The following DAB1 variants were observed in gnomAD, a reference collection of about 807,000 sequenced individuals.
The protein encoded by DAB1 is DAB adaptor protein 1, also known as disabled homolog 1.
Under a neutral mutation model 64.6 loss-of-function variants are expected in DAB1, and 15 were observed. The ratio of observed to expected loss-of-function variants is 0.23; its 90% CI spans 0.16 to 0.36. The LOEUF (loss-of-function observed/expected upper bound fraction) is 0.36. DAB1 is among the 10% of genes least tolerant of loss of function. DAB1 has a pLI of 1.00. For synonymous variants in DAB1, 235 were observed against 251.9 expected (o/e 0.93, Z 0.64); for missense variants, 596 against 706.7 (o/e 0.84, Z 1.78).
chr1:57,816,287 C>T (rs1651852017), intron 6 of DAB1, among the ~76,000 whole-genome samples: 1 of 152,194 alleles, frequency 6.6e-6, no homozygotes, highest in Non-Finnish European at 1.5e-5. Flanking sequence ...TCTCACTATG[C>T]CATGCAGCCG....
At chr1:57,109,216 C>A (rs1407349171) in intron 4 of DAB1, among the ~76,000 whole-genome samples, 1 of 152,200 alleles carries the variant, frequency 6.6e-6, no homozygotes, top group Non-Finnish European at 1.5e-5. Context: ...TGAGGACCAG[C>A]AGCCAGGGGC....
chr1:57,842,726 C>T (rs571719343), intron 1 of DAB1, among the ~76,000 whole-genome samples: 4 of 152,290 alleles, frequency 2.6e-5, no homozygotes, highest in Non-Finnish European at 5.9e-5. Context: ...ATAAGAACAG[C>T]ATGGGAGAAA....
chr1:58,532,958 A>G (rs749942856), intron 1 of DAB1, among the ~76,000 whole-genome samples: 18 of 152,152 alleles, frequency 1.2e-4, no homozygotes, highest in Non-Finnish European at 2.5e-4. Flanking sequence ...ATTTGAGATT[A>G]CTCTTAGAAG....
chr1:58,364,198 C>T (rs558286261), intron 3 of DAB1, among the ~76,000 whole-genome samples: 79 of 152,296 alleles, frequency 5.2e-4, no homozygotes, highest in Middle Eastern at 3.4e-3. Flanking sequence ...AGGAGGGAAG[C>T]CTGTCCCATC....
At chr1:58,180,056 T>C (rs12034198) in intron 4 of DAB1, among the ~76,000 whole-genome samples, 43,710 of 151,662 alleles carry the variant, frequency 0.29, 6,672 homozygotes, top group South Asian at 0.45. Context: ...AGTATATAGG[T>C]GGTTATATGC....
intron 3 of DAB1, among the ~76,000 whole-genome samples, chr1:58,447,357 G>GA (rs1438199684): frequency 4.0e-5 from 6 of 151,650 alleles, no homozygotes; most frequent in South Asian, 2.1e-4. Flanking sequence ...CTGTCAACAT[G>GA]AAAAAAAGGA....
chr1:58,506,266 AACT>A (rs1645988603), intron 2 of DAB1: 1 of 788,456 alleles, frequency 1.3e-6, no homozygotes, highest in African/African-American at 1.7e-5. Context: ...ATTTTTTAAA[AACT>A]ACTACTTTAT....
chr1:57,203,533 T>C (rs771854316), intron 2 of DAB1, among the ~76,000 whole-genome samples: 4 of 152,188 alleles, frequency 2.6e-5, no homozygotes, highest in Non-Finnish European at 5.9e-5. Context: ...AAATGGCATG[T>C]GTGACAAGGA....
chr1:58,300,636 GAGAGAGAGAGAGGAAGGAAGGAAGGA>G (rs1314532840), intron 4 of DAB1, among the ~76,000 whole-genome samples: 22 of 59,212 alleles, frequency 3.7e-4, no homozygotes, highest in Admixed American at 7.1e-4. Context: ...GAGAGAGAGA[GAGAGAGAGAGAGGAAGGAAGGAAGGA>G]AGGAAGGAAG....
chr1:57,028,462 G>GAGTGAA (rs1209641328), intron 9 of DAB1, among the ~76,000 whole-genome samples: 6 of 152,146 alleles, frequency 3.9e-5, no homozygotes, highest in Non-Finnish European at 8.8e-5. Context: ...AGTAGAGTGA[G>GAGTGAA]GTGTTGCTGA....
At chr1:57,536,150 C>A (rs537969263) in intron 7 of DAB1, among the ~76,000 whole-genome samples, 5 of 152,236 alleles carry the variant, frequency 3.3e-5, no homozygotes, top group African/African-American at 1.2e-4. Context: ...ACTTCTCCTG[C>A]GATGTTCCAG....
At chr1:58,321,872 C>T (rs1662692393) in intron 4 of DAB1, among the ~76,000 whole-genome samples, 2 of 152,248 alleles carry the variant, frequency 1.3e-5, no homozygotes, top group Non-Finnish European at 2.9e-5. Flanking sequence ...CTTCTACAGA[C>T]TTAAACGTCC....
At chr1:58,423,569 A>G (rs1486902631) in intron 3 of DAB1, among the ~76,000 whole-genome samples, 2 of 152,194 alleles carry the variant, frequency 1.3e-5, no homozygotes, top group Non-Finnish European at 1.5e-5. Flanking sequence ...AGGGTTCCCT[A>G]TCCTTCAGCT....
At chr1:57,734,978 G>A (rs1647614345) in intron 6 of DAB1, among the ~76,000 whole-genome samples, 1 of 152,160 alleles carries the variant, frequency 6.6e-6, no homozygotes, top group Non-Finnish European at 1.5e-5. Context: ...ACATTTAAAT[G>A]CCATTAATTT....
intron 5 of DAB1, chr1:58,084,404 TC>T (rs1650178358): frequency 6.5e-6 from 1 of 153,580 alleles, no homozygotes; most frequent in African/African-American, 2.4e-5. Flanking sequence ...GGCTCTGTCT[TC>T]CTTTTTGCTA....
intron 5 of DAB1, among the ~76,000 whole-genome samples, chr1:57,910,461 G>A (rs937561208): frequency 6.6e-6 from 1 of 152,210 alleles, no homozygotes; most frequent in Non-Finnish European, 1.5e-5. Context: ...GCTCTGGCAA[G>A]CACATACTTT....
chr1:58,221,554 C>T (rs1016572842), intron 4 of DAB1, among the ~76,000 whole-genome samples: 7 of 152,202 alleles, frequency 4.6e-5, no homozygotes, highest in African/African-American at 1.7e-4. Context: ...AGCCTGCACA[C>T]CAGGTGAGTG....
At chr1:58,338,385 ATTCCCTTC>A (rs1399873866) in intron 4 of DAB1, among the ~76,000 whole-genome samples, 1 of 151,716 alleles carries the variant, frequency 6.6e-6, no homozygotes, top group Non-Finnish European at 1.5e-5. Flanking sequence ...GCCCATCCTC[ATTCCCTTC>A]TCTTTTGCAG....
rs138648256 is a variant in DAB1 at position 57,343,144 on chromosome 1, G to A, written c.-136-51978C>T. Among the ~76,000 whole-genome samples the A allele has an allele frequency of 4.2e-3, 643 of 152,024 alleles. 7 individuals carry two copies. The highest frequency in any genetic ancestry group is 0.015 in the African/African-American group (614 of 41,428). Reference sequence around the variant, plus strand: ...TGAGCTAGACACAAAGGTTCTCCACGTCCCCACTAGATTAGCTAGATACAG... The same window carrying A: ...TGAGCTAGACACAAAGGTTCTCCACATCCCCACTAGATTAGCTAGATACAG... On this transcript the variant is annotated intron_variant, in intron 1 of 14. Coordinates refer to ENST00000371236, the MANE Select transcript of DAB1 (RefSeq NM_001365792.1).
Sources: gnomAD v4.1 joint callset for allele counts (sites outside exome capture counted in the v4.1 genomes callset) on GRCh38, gnomAD v4.1.1 for gene constraint, MANE v1.5 for transcripts, NCBI Gene and HGNC (gene_info 2026-07-23, HGNC 2026-07-21) for gene names.